The following ID1 variants were observed in gnomAD, a reference collection of about 807,000 sequenced individuals.
The protein encoded by ID1 is DNA-binding protein inhibitor ID-1.
A neutral mutation model predicts 11.3 loss-of-function variants in ID1; 8 were observed. The ratio of observed to expected loss-of-function variants is 0.71; its 90% CI spans 0.42 to 1.28. The LOEUF is 1.28. Ranked by LOEUF, ID1 falls within the 50% of genes most tolerant of loss-of-function variation. The pLI, the probability that ID1 is intolerant of heterozygous loss-of-function variation, is 0.01. For synonymous variants in ID1, 176 were observed against 100.2 expected, an observed-to-expected ratio of 1.76 and a Z score of -4.52; for missense variants, 347 against 219.8, an observed-to-expected ratio of 1.58 and a Z score of -3.66.
At position 31,605,448 on chromosome 20, in the gene ID1, G is replaced by A. The variant is rs781602467; in HGVS notation, c.61G>A (p.Ala21Thr). 3.7e-6 allele frequency: 6 copies of A among 1,609,052 alleles called. No homozygotes were observed. The Admixed American group carries it at 1.0e-4, about 27-fold the overall frequency. Reference protein sequence around the residue: ...AAAGPSCALKAGKTASGAGEV... With the variant: ...AAAGPSCALKTGKTASGAGEV... ...CGCGGGCCCCAGCTGCGCGCTGAAG[G>A]CCGGCAAGACAGCGAGCGGTGCGGG... Residue 21 changes from alanine to threonine, a missense_variant, in exon 1 of 2, where the codon GCC becomes ACC. Coordinates refer to ENST00000376112, the MANE Select transcript of ID1 (RefSeq NM_002165.4).
In ID1 at chr20:31,605,535, G is replaced by A. The variant is rs1373467650; in HGVS notation, c.148G>A (p.Gly50Arg). ...VAISRCAGGAGARLPALLDEQ... is the reference protein window; with the variant it reads ...VAISRCAGGARARLPALLDEQ... ...CATCTCGCGCTGCGCCGGGGGCGCC[G>A]GGGCGCGCCTGCCTGCCCTGCTGGA... Residue 50 changes from glycine to arginine, a missense_variant, in exon 1 of 2, where the codon GGG becomes AGG. Transcript: ENST00000376112. 2.3e-5 allele frequency: 36 copies of A among 1,558,950 alleles called. No homozygotes were observed. Among genetic ancestry groups the A allele is most frequent in the Non-Finnish European group, 3.0e-5 (34 of 1,149,514 alleles).
At position 31,606,430 on chromosome 20, in the gene ID1, A is replaced by G. The variant is rs1267915498; in HGVS notation, c.*336A>G. On this transcript the variant is annotated 3_prime_UTR_variant, in exon 2 of 2. Coordinates refer to ENST00000376112, the MANE Select transcript of ID1 (RefSeq NM_002165.4). ...AAATTGCTTTGTATTGTATATTACA[A>G]TGATCACCGACTGAAAATATTGTTT... 2 of 356,312 alleles carry G rather than the reference A, an allele frequency of 5.6e-6. No individual in the cohort carries two copies. The highest frequency in any genetic ancestry group is 1.1e-5 in the Non-Finnish European group (2 of 186,898). The allele number at this position is 356,312 out of a possible 1,614,324, so 22.1% of individuals were successfully genotyped here.
Position 31,605,464 on chromosome 20 carries a change from G to C in ID1, c.77G>C (p.Ser26Thr). ...SCALKAGKTASGAGEVVRCLS... is the reference protein window; with the variant it reads ...SCALKAGKTATGAGEVVRCLS... ...GCGCTGAAGGCCGGCAAGACAGCGA[G>C]CGGTGCGGGCGAGGTGGTGCGCTGT... The change falls in exon 1 of 2, where the codon AGC becomes ACC. Residue 26 changes from serine to threonine, a missense_variant. By Grantham distance (58) the Ser-to-Thr change is moderately conservative. Coordinates refer to ENST00000376112, the MANE Select transcript of ID1 (RefSeq NM_002165.4). 6 of 1,608,238 alleles carry C rather than the reference G, an allele frequency of 3.7e-6. No homozygotes were observed. The highest frequency in any genetic ancestry group is 4.2e-6 in the Non-Finnish European group (5 of 1,177,558).
At position 31,605,964 on chromosome 20, in the gene ID1, C is replaced by T. The variant is rs138737768; in HGVS notation, c.427-89C>T. On this transcript the variant is annotated intron_variant, in intron 1 of 1. Transcript: ENST00000376112. ...AAGGAGCCTGGAAAAAGCGCTCCCC[C>T]GTCGTGCTTCCTGGGGAAGGGGGCG... is the stretch of plus-strand genomic sequence containing the variant. 1.5e-3 allele frequency: 2,335 copies of T among 1,606,068 alleles called. 8 individuals are homozygous for T. Among genetic ancestry groups the T allele is most frequent in the Non-Finnish European group, 1.8e-3 (2,131 of 1,175,912 alleles).
chr20:31,605,818 G>A lies in ID1; in HGVS notation c.426+5G>A, dbSNP rs1187768376. 4 of 1,611,020 alleles carry A rather than the reference G, an allele frequency of 2.5e-6. No homozygotes were observed. Among genetic ancestry groups the A allele is most frequent in the Non-Finnish European group, 2.5e-6 (3 of 1,178,784 alleles). On this transcript the variant is annotated splice_donor_5th_base_variant and intron_variant, in intron 1 of 1. Coordinates refer to ENST00000376112, the MANE Select transcript of ID1 (RefSeq NM_002165.4). ...ATCAGCGCCCTGACGGCCGAGGTGA[G>A]ATCCAGATCCGACCACTAGATCATC...
rs1986110649 is a variant in ID1, at chr20:31,606,314, A to G, written c.*220A>G. The G allele has an allele frequency of 3.4e-6, 2 of 584,820 alleles. No individual in the cohort carries two copies. The highest frequency in any genetic ancestry group is 1.9e-5 in the African/African-American group (1 of 53,330). The allele number at this position is 584,820 out of a possible 1,614,324, so 36.2% of individuals were successfully genotyped here. A position where few individuals can be genotyped will look rare whatever the true frequency, so the allele number is the denominator to read the frequency against. The stretch of plus-strand genomic sequence containing the variant: ...ACACCTACTAGTCACCAGAGACTTT[A>G]GGGGGTGGGATTCCACTCGTGTGTT... On this transcript the variant is annotated 3_prime_UTR_variant, in exon 2 of 2. Coordinates refer to ENST00000376112, the MANE Select transcript of ID1 (RefSeq NM_002165.4).
Position 31,606,040 on chromosome 20 carries a change from C to G in ID1, c.427-13C>G. On this transcript the variant is annotated splice_polypyrimidine_tract_variant and intron_variant, in intron 1 of 1. Coordinates refer to ENST00000376112, the MANE Select transcript of ID1 (RefSeq NM_002165.4). The stretch of plus-strand genomic sequence containing the variant: ...TTCCAACCCGCCGGTCTCATTTCTT[C>G]TCGTTTTCACAGGCGGCATGCGTTC... The G allele has an allele frequency of 1.9e-6, 3 of 1,612,610 alleles. No individual in the cohort carries two copies. Among genetic ancestry groups the G allele is most frequent in the Non-Finnish European group, 2.5e-6 (3 of 1,180,014 alleles).
rs1986106952 is a variant in ID1 at position 31,606,245 on chromosome 20, G to GGCT, written c.*153_*155dup. 1.3e-6 allele frequency: 1 copy of GGCT among 747,574 alleles called. No homozygotes were observed. Among genetic ancestry groups the GGCT allele is most frequent in the African/African-American group, 1.8e-5 (1 of 57,048 alleles). 46.3% of individuals were successfully genotyped at this position (747,574 alleles called of 1,614,324 possible). A position where few individuals can be genotyped will look rare whatever the true frequency, so the allele number is the denominator to read the frequency against. On this transcript the variant is annotated 3_prime_UTR_variant, in exon 2 of 2. Coordinates refer to ENST00000376112, the MANE Select transcript of ID1 (RefSeq NM_002165.4). ...GCGCCCTTAACTGCATCCAGCCTGG[G>GGCT]GCTGAGGCTGAGGCACTGGCGAGGA...
rs146843692 is a variant in ID1, at chr20:31,605,720, G to A, written c.333G>A (p.Ser111=). Residue 111 remains serine, a synonymous_variant, in exon 1 of 2, where the codon TCG becomes TCA. Transcript: ENST00000376112. The part of the protein sequence containing the change: ...YIRDLQLELN[S]ESEVGTPGGR... The stretch of plus-strand genomic sequence containing the variant: ...GGGACCTTCAGTTGGAGCTGAACTC[G>A]GAATCCGAAGTTGGAACCCCCGGGG... 9 of 1,611,124 alleles carry A rather than the reference G, an allele frequency of 5.6e-6. No homozygotes were observed. In the African/African-American group the frequency reaches 8.0e-5, roughly 14 times the overall value.
Position 31,606,161 on chromosome 20 carries a change from G to T in ID1, c.*67G>T. On this transcript the variant is annotated 3_prime_UTR_variant, in exon 2 of 2. Coordinates refer to ENST00000376112, the MANE Select transcript of ID1 (RefSeq NM_002165.4). ...GGCAAGAGGAATTACGTGCTCTGTG[G>T]GTCTCCCCCAACGCGCCTCGCCGGA... The T allele has an allele frequency of 6.6e-7, 1 of 1,516,090 alleles. No homozygotes were observed. The highest frequency in any genetic ancestry group is 9.1e-7 in the Non-Finnish European group (1 of 1,096,864). 93.9% of individuals were successfully genotyped at this position (1,516,090 alleles called of 1,614,324 possible).
chr20:31,605,436 T>C lies in ID1; in HGVS notation c.49T>C (p.Cys17Arg). The C allele has an allele frequency of 6.2e-7, 1 of 1,608,732 alleles. No homozygotes were observed. The highest frequency in any genetic ancestry group is 8.5e-7 in the Non-Finnish European group (1 of 1,178,522). ...STATAAAGPS[C>R]ALKAGKTASG... is the part of the protein sequence containing the mutation. ...CGCCACCGCCGCCGCGGGCCCCAGCTGCGCGCTGAAGGCCGGCAAGACAGC... is the reference window on the plus strand; with the variant it reads ...CGCCACCGCCGCCGCGGGCCCCAGCCGCGCGCTGAAGGCCGGCAAGACAGC... Residue 17 changes from cysteine to arginine, a missense_variant, in exon 1 of 2, where the codon TGC becomes CGC. Cys to Arg is a radical substitution (Grantham distance 180). Transcript: ENST00000376112.
At chr20:31,605,869 C>G in intron 1 of ID1, 56 bp downstream of exon 1, 1 of 1,593,448 alleles carries the variant, frequency 6.3e-7, no homozygotes, top group Non-Finnish European at 8.6e-7. Context: ...AAACGGAGGC[C>G]AGAGAGGGCG....
Position 31,606,034 on chromosome 20 carries a change from T to A in ID1, c.427-19T>A. ...CGTCCCTTCCAACCCGCCGGTCTCA[T>A]TTCTTCTCGTTTTCACAGGCGGCAT... On this transcript the variant is annotated intron_variant, in intron 1 of 1. Transcript: ENST00000376112. The A allele has an allele frequency of 6.2e-7, 1 of 1,612,748 alleles. No individual in the cohort carries two copies. The highest frequency in any genetic ancestry group is 8.5e-7 in the Non-Finnish European group (1 of 1,179,994).
Position 31,606,268 on chromosome 20 carries a change from G to A in ID1, c.*174G>A, listed in dbSNP as rs1054692751. ...GGGGCTGAGGCTGAGGCACTGGCGA[G>A]GAGAGGGCGCTCCTCTCTGCACACC... On this transcript the variant is annotated 3_prime_UTR_variant, in exon 2 of 2. Transcript: ENST00000376112. 19 of 667,964 alleles carry A rather than the reference G, an allele frequency of 2.8e-5. 1 individual carries two copies. The highest frequency in any genetic ancestry group is 2.0e-4 in the African/African-American group (11 of 55,310). 41.4% of individuals were successfully genotyped at this position (667,964 alleles called of 1,614,324 possible).
In ID1 at chr20:31,606,013, C is replaced by T. The variant is rs202034102; in HGVS notation, c.427-40C>T. ...CGTTCGCTGCGCTCGGAGCGGCGTC[C>T]CTTCCAACCCGCCGGTCTCATTTCT... On this transcript the variant is annotated intron_variant, in intron 1 of 1. Transcript: ENST00000376112. 3.5e-4 allele frequency: 565 copies of T among 1,607,840 alleles called. 3 individuals carry two copies. Among genetic ancestry groups the T allele is most frequent in the Admixed American group, 1.2e-4 (7 of 59,984 alleles).
At position 31,605,559 on chromosome 20, in the gene ID1, G is replaced by A. The variant is rs1194582527; in HGVS notation, c.172G>A (p.Asp58Asn). Residue 58 changes from aspartate to asparagine, a missense_variant, in exon 1 of 2, where the codon GAC becomes AAC. Transcript: ENST00000376112. ...GAGARLPALL[D>N]EQQVNVLLYD... ...CGGGGCGCGCCTGCCTGCCCTGCTG[G>A]ACGAGCAGCAGGTAAACGTGCTGCT... 2.6e-6 allele frequency: 4 copies of A among 1,558,556 alleles called. No homozygotes were observed. The highest frequency in any genetic ancestry group is 2.6e-6 in the Non-Finnish European group (3 of 1,149,812).
chr20:31,606,074 G>T lies in ID1; in HGVS notation c.448G>T (p.Asp150Tyr), dbSNP rs1249151031. Residue 150 changes from aspartate to tyrosine, a missense_variant, in exon 2 of 2, where the codon GAT becomes TAT. By Grantham distance (160) the Asp-to-Tyr change is radical. Coordinates refer to ENST00000376112, the MANE Select transcript of ID1 (RefSeq NM_002165.4). ...ACAGGCGGCATGCGTTCCTGCGGAC[G>T]ATCGCATCTTGTGTCGCTGAAGCGC... ...TAEAACVPAD[D>Y]RILCR 2 of 1,609,568 alleles carry T rather than the reference G, an allele frequency of 1.2e-6. No homozygotes were observed. Among genetic ancestry groups the T allele is most frequent in the South Asian group, 2.2e-5 (2 of 91,082 alleles).
Position 31,605,702 on chromosome 20 carries a change from T to A in ID1, c.315T>A (p.Leu105=). 1 of 1,611,760 alleles carries A rather than the reference T, an allele frequency of 6.2e-7. No individual in the cohort carries two copies. The highest frequency in any genetic ancestry group is 8.5e-7 in the Non-Finnish European group (1 of 1,178,958). The change falls in exon 1 of 2, where the codon CTT becomes CTA. Residue 105 remains leucine (L), a synonymous_variant. Transcript: ENST00000376112. ...ACGTCATCGACTACATCAGGGACCT[T>A]CAGTTGGAGCTGAACTCGGAATCCG... The part of the protein sequence containing the change: ...LQHVIDYIRD[L]QLELNSESEV...
Position 31,605,467 on chromosome 20 carries a change from G to C in ID1, c.80G>C (p.Gly27Ala). ...CTGAAGGCCGGCAAGACAGCGAGCG[G>C]TGCGGGCGAGGTGGTGCGCTGTCTG... ...CALKAGKTAS[G>A]AGEVVRCLSE... The change falls in exon 1 of 2, where the codon GGT (glycine) becomes GCT (alanine). Residue 27 changes from glycine (G) to alanine (A), a missense_variant. By Grantham distance (60) the Gly-to-Ala change is moderately conservative (BLOSUM62 0). Transcript: ENST00000376112. 4 of 1,608,622 alleles carry C rather than the reference G, an allele frequency of 2.5e-6. No individual in the cohort carries two copies. The highest frequency in any genetic ancestry group is 3.4e-6 in the Non-Finnish European group (4 of 1,177,678).
Sources: gnomAD v4.1 joint callset for allele counts on GRCh38, gnomAD v4.1.1 for gene constraint, MANE v1.5 for transcripts, NCBI Gene and HGNC (gene_info 2026-07-23, HGNC 2026-07-21) for gene names.